The following SLC12A2 variants were observed in gnomAD, a reference collection of about 807,000 sequenced individuals.
The protein encoded by SLC12A2 is solute carrier family 12 member 2.
Under a neutral mutation model 136.3 loss-of-function variants are expected in SLC12A2, and 67 were observed. The ratio of observed to expected loss-of-function variants is 0.49; its 90% CI spans 0.40 to 0.60. The LOEUF is 0.60. Among genes scored for constraint, SLC12A2 ranks in the 20% least tolerant of loss-of-function variants. The probability of loss-of-function intolerance (pLI) is 0.00; values close to 1 mark genes in which losing one functional copy is unlikely to be tolerated. For missense variants in SLC12A2, 1,322 were observed against 1,534.7 expected (o/e 0.86, Z 2.32); for synonymous variants, 619 against 562.9 (o/e 1.10, Z -1.41).
chr5:128,095,074 T>G (rs1760474103), intron 1 of SLC12A2, among the ~76,000 whole-genome samples: 1 of 152,144 alleles, frequency 6.6e-6, no homozygotes, highest in South Asian at 2.1e-4. Flanking sequence ...ACTACTAGTT[T>G]AAAGTCATTA....
intron 16 of SLC12A2, 104 bp from the exon 17 acceptor site, chr5:128,161,556 A>G: frequency 1.7e-6 from 1 of 599,228 alleles, no homozygotes; most frequent in Non-Finnish European, 2.5e-6. Flanking sequence ...CTGACCCTAC[A>G]TTTAGTCACC....
intron 4 of SLC12A2, among the ~76,000 whole-genome samples, chr5:128,122,900 GA>G: frequency 6.6e-6 from 1 of 151,998 alleles, no homozygotes; most frequent in East Asian, 1.9e-4. Context: ...TCAGATCAAT[GA>G]AATGTTTGAA....
At chr5:128,109,533 AG>A in intron 1 of SLC12A2, 1 of 660,520 alleles carries the variant, frequency 1.5e-6, no homozygotes, top group South Asian at 1.6e-5. Context: ...GGACAGTTCC[AG>A]CACTTGCTGG....
At chr5:128,171,626 T>A in intron 18 of SLC12A2, 41 bp from the exon 19 acceptor site, 1 of 1,357,580 alleles carries the variant, frequency 7.4e-7, no homozygotes, top group Non-Finnish European at 1.0e-6. Flanking sequence ...TTTTTGTGAT[T>A]TTTTTTTTGG....
intron 4 of SLC12A2, among the ~76,000 whole-genome samples, chr5:128,126,966 A>ATATATATAATTTT: frequency 0.033 from 693 of 21,158 alleles, 69 homozygotes; most frequent in Admixed American, 0.17. Context: ...ATATATATAT[A>ATATATATAATTTT]TTTTTTTTTT....
intron 4 of SLC12A2, among the ~76,000 whole-genome samples, chr5:128,117,540 G>C (rs186329824): frequency 1.3e-5 from 2 of 152,114 alleles, no homozygotes; most frequent in Non-Finnish European, 2.9e-5. Context: ...TACATAATGA[G>C]TAAAGGAGGA....
intron 9 of SLC12A2, among the ~76,000 whole-genome samples, chr5:128,140,108 C>T (rs1762315734): frequency 6.6e-6 from 1 of 152,120 alleles, no homozygotes; most frequent in African/African-American, 2.4e-5. Context: ...AAGCAATTCT[C>T]GTGCCTCACC....
intron 9 of SLC12A2, among the ~76,000 whole-genome samples, chr5:128,139,276 T>A (rs115597331): frequency 0.017 from 2,513 of 152,172 alleles, 60 homozygotes; most frequent in African/African-American, 0.049. Context: ...TTATTTATTT[T>A]TTTTTTTTAC....
chr5:128,108,959 G>A (rs1761041961), intron 1 of SLC12A2, among the ~76,000 whole-genome samples: 2 of 152,122 alleles, frequency 1.3e-5, no homozygotes, highest in Non-Finnish European at 1.5e-5. Flanking sequence ...GTGCTGTAAG[G>A]AAAATACTTA....
rs528309946 is a variant in SLC12A2, at chr5:128,099,180, C to T, written c.757-13634C>T. Among the ~76,000 whole-genome samples, 6 of 152,216 alleles carry T rather than the reference C, an allele frequency of 3.9e-5. 1 individual carries two copies. In the South Asian group the frequency reaches 1.2e-3, roughly 32 times the overall value. ...GATTTTGTCATTTTGCATAATGATA[C>T]AAACCTAGAGAGCATATTCCACTAC... On this transcript the variant is annotated intron_variant, in intron 1 of 26. Transcript: ENST00000262461.
rs907743133 is a variant in SLC12A2, at chr5:128,148,326, G to GAA, written c.1882-425_1882-424dup. On this transcript the variant is annotated intron_variant, in intron 11 of 26. Coordinates refer to ENST00000262461, the MANE Select transcript of SLC12A2 (RefSeq NM_001046.3). ...ATAGCCAGTGAGTACAGTAAAGGTA[G>GAA]AAAATATCATTTAAGACAGACTTTA... Among the ~76,000 whole-genome samples the GAA allele has an allele frequency of 1.8e-4, 28 of 151,786 alleles. 1 individual carries two copies. Among genetic ancestry groups the GAA allele is most frequent in the African/African-American group, 5.6e-4 (23 of 41,422 alleles).
Position 128,158,140 on chromosome 5 carries a change from G to T in SLC12A2, c.2451G>T (p.Leu817Phe). The T allele has an allele frequency of 6.2e-7, 1 of 1,613,156 alleles. No individual in the cohort carries two copies. Among genetic ancestry groups the T allele is most frequent in the South Asian group, 1.1e-5 (1 of 90,994 alleles). Reference protein sequence around the residue: ...LVHDFTKNVGLMICGHVHMGP... With the variant: ...LVHDFTKNVGFMICGHVHMGP... The stretch of plus-strand genomic sequence containing the variant: ...ATGATTTCACAAAAAATGTTGGTTT[G>T]ATGATCTGTGGCCATGTACATATGG... The change falls in exon 16 of 27, where the codon TTG becomes TTT. Residue 817 changes from leucine to phenylalanine, a missense_variant. Physicochemically the swap from Leu to Phe is conservative, Grantham distance 22 (BLOSUM62 0). This residue lies in a region of SLC12A2 where 294 missense variants were observed against 436.6 expected (regional missense o/e 0.67). Transcript: ENST00000262461.
chr5:128,165,112 G>T (rs1258259039), intron 17 of SLC12A2, among the ~76,000 whole-genome samples: 1 of 152,052 alleles, frequency 6.6e-6, no homozygotes, highest in Non-Finnish European at 1.5e-5. Context: ...AAAGTGCTGG[G>T]ATTATCGGCA....
intron 18 of SLC12A2, chr5:128,169,968 G>A (rs1045779322): frequency 6.6e-6 from 1 of 152,082 alleles, no homozygotes; most frequent in Non-Finnish European, 1.5e-5. Context: ...CTGCTTTCTG[G>A]TTTTAGAACC....
intron 2 of SLC12A2, 85 bp downstream of exon 2, chr5:128,113,018 G>C (rs748427517): frequency 3.2e-6 from 4 of 1,232,352 alleles, no homozygotes; most frequent in Non-Finnish European, 4.4e-6. Flanking sequence ...GTTCTCAAGA[G>C]AACTCTTTTT....
chr5:128,122,943 T>A (rs1699104604), intron 4 of SLC12A2, among the ~76,000 whole-genome samples: 1 of 152,100 alleles, frequency 6.6e-6, no homozygotes, highest in African/African-American at 2.4e-5. Context: ...ATTATGAGGT[T>A]TATTAAATTT....
intron 1 of SLC12A2, among the ~76,000 whole-genome samples, chr5:128,091,540 A>G (rs1230234223): frequency 6.6e-6 from 1 of 152,226 alleles, no homozygotes; most frequent in Admixed American, 6.5e-5. Flanking sequence ...AGGGTGAGCA[A>G]CAAGGAAAAT....
Position 128,084,551 on chromosome 5 carries a change from C to CTAT in SLC12A2, c.601_603dup (p.Tyr201dup). ...GCGGCAGTGGGCACCACCAGCACTA[C>CTAT]TATTATGATACCCACACCAACACCT... On this transcript the variant is annotated inframe_insertion, in exon 1 of 27. Transcript: ENST00000262461. The surrounding 1 kb of genome is among the most constrained non-coding windows in gnomAD (Gnocchi z 5.6). 6.2e-7 allele frequency: 1 copy of CTAT among 1,613,734 alleles called. No individual in the cohort carries two copies. Among genetic ancestry groups the CTAT allele is most frequent in the Non-Finnish European group, 8.5e-7 (1 of 1,180,004 alleles).
rs1759989195 is a variant in SLC12A2 at position 128,084,436 on chromosome 5, G to T, written c.482G>T (p.Gly161Val). 6.2e-7 allele frequency: 1 copy of T among 1,612,476 alleles called. No homozygotes were observed. The highest frequency in any genetic ancestry group is 1.7e-5 in the Admixed American group (1 of 59,950). Residue 161 changes from glycine to valine, a missense_variant, in exon 1 of 27, where the codon GGG becomes GTG. This residue lies in a region of SLC12A2 where 358 missense variants were observed against 299.7 expected (regional missense o/e 1.19). Coordinates refer to ENST00000262461, the MANE Select transcript of SLC12A2 (RefSeq NM_001046.3). The surrounding 1 kb of genome is among the most constrained non-coding windows in gnomAD (Gnocchi z 5.6). ...GAAGACAGCCTGTCAGATGCTGCCG[G>T]GGTCGGAGTCGACGGGCCCAACGTG... ...SAEDSLSDAA[G>V]VGVDGPNVSF...
Sources: allele counts gnomAD v4.1 joint callset (sites outside exome capture counted in the v4.1 genomes callset), GRCh38; gene constraint gnomAD v4.1.1; regional missense constraint gnomAD v4.1.1; non-coding constraint Gnocchi (gnomAD v3.1); transcripts MANE v1.5; gene names NCBI Gene and HGNC (gene_info 2026-07-23, HGNC 2026-07-21).